LY86: variants seen among roughly 807,000 people sequenced by gnomAD.
LY86 encodes MD-1, RP105-associated.
LY86 carries 20 observed loss-of-function variants against 17.3 expected under a neutral mutation model. That is an observed-to-expected ratio of 1.15 (90% CI 0.81 to 1.68). LY86 has a LOEUF of 1.68. LY86 is among the 40% of genes most tolerant of loss of function. The probability of loss-of-function intolerance (pLI) is 0.00; values close to 1 mark genes in which losing one functional copy is unlikely to be tolerated. For missense variants in LY86, 200 were observed against 191.9 expected, an observed-to-expected ratio of 1.04 and a Z score of -0.25; for synonymous variants, 74 against 70.6, an observed-to-expected ratio of 1.05 and a Z score of -0.24.
At chr6:6,613,263 G>A (rs1278427911) in intron 1 of LY86, among the ~76,000 whole-genome samples, 4 of 152,244 alleles carry the variant, frequency 2.6e-5, no homozygotes, top group Non-Finnish European at 4.4e-5. Flanking sequence ...TGCCAATCCC[G>A]CGCCGTGCGC....
intron 2 of LY86, 91 bp downstream of exon 2, chr6:6,625,103 T>C: frequency 3.4e-6 from 2 of 590,644 alleles, no homozygotes; most frequent in South Asian, 4.1e-5. Flanking sequence ...CTGTAATGAC[T>C]GGCTAAACTA....
rs138255515 is a variant in LY86, at chr6:6,650,339, G to GTTTTTTTTTTTTTTTTT, written c.405+662_405+663insTTTTTTTTTTTTTTTTT. ...TTCAATATGCTACCCCTCAGATAAT[G>GTTTTTTTTTTTTTTTTT]GTTTTTTTTTTTTTTGAGAGAGTCT... On this transcript the variant is annotated intron_variant, in intron 4 of 4. Transcript: ENST00000230568. 2.7e-5 allele frequency among the ~76,000 whole-genome samples: 4 copies of GTTTTTTTTTTTTTTTTT among 148,036 alleles called. 1 individual carries two copies. Among genetic ancestry groups the GTTTTTTTTTTTTTTTTT allele is most frequent in the Non-Finnish European group, 4.5e-5 (3 of 67,134 alleles).
rs936039819 is a variant in LY86 at position 6,606,546 on chromosome 6, G to A, written c.136+17676G>A. Among the ~76,000 whole-genome samples, 5 of 152,268 alleles carry A rather than the reference G, an allele frequency of 3.3e-5. No homozygotes were observed. The East Asian group carries it at 9.6e-4, about 29-fold the overall frequency. ...GGGGCGGCGCTCGTCGGGGAGGCTT[G>A]GGCGGCACAGGAGCCCACGGAGCGG... On this transcript the variant is annotated intron_variant, in intron 1 of 4. Transcript: ENST00000230568.
At chr6:6,606,973 C>T (rs148864412) in intron 1 of LY86, among the ~76,000 whole-genome samples, 4 of 152,402 alleles carry the variant, frequency 2.6e-5, no homozygotes, top group Non-Finnish European at 5.9e-5. Flanking sequence ...GGGCTGCCAG[C>T]ATGCTGTCAC....
chr6:6,631,674 G>A (rs1248068091), intron 3 of LY86, among the ~76,000 whole-genome samples: 1 of 152,164 alleles, frequency 6.6e-6, no homozygotes, highest in African/African-American at 2.4e-5. Context: ...AGCCTTTTGG[G>A]CCATGTGTTG....
At chr6:6,596,149 TCATC>T (rs2113078851) in intron 1 of LY86, among the ~76,000 whole-genome samples, 1 of 152,320 alleles carries the variant, frequency 6.6e-6, no homozygotes, top group South Asian at 2.1e-4. Context: ...TGTGCCTGAA[TCATC>T]CATCAAAGTG....
At chr6:6,606,382 C>CT (rs1008364978) in intron 1 of LY86, among the ~76,000 whole-genome samples, 1 of 152,200 alleles carries the variant, frequency 6.6e-6, no homozygotes, top group African/African-American at 2.4e-5. Context: ...CAAGTCCCCC[C>CT]CAGACTCAGG....
At chr6:6,637,009 T>TG (rs1160746110) in intron 3 of LY86, among the ~76,000 whole-genome samples, 2 of 147,264 alleles carry the variant, frequency 1.4e-5, no homozygotes, top group African/African-American at 2.5e-5. Flanking sequence ...TATTGGTTTT[T>TG]TTTTTTTTTT....
chr6:6,606,664 T>A (rs1761165278), intron 1 of LY86, among the ~76,000 whole-genome samples: 1 of 152,208 alleles, frequency 6.6e-6, no homozygotes, highest in African/African-American at 2.4e-5. Flanking sequence ...CAGCAGCTAC[T>A]GGCCCAGGTG....
At chr6:6,638,741 C>T (rs1761995763) in intron 3 of LY86, among the ~76,000 whole-genome samples, 1 of 151,798 alleles carries the variant, frequency 6.6e-6, no homozygotes, top group Non-Finnish European at 1.5e-5. Context: ...GTGTGCCATG[C>T]TGGTGTGCTG....
At chr6:6,610,831 G>A (rs1581239452) in intron 1 of LY86, among the ~76,000 whole-genome samples, 1 of 152,292 alleles carries the variant, frequency 6.6e-6, no homozygotes, top group South Asian at 2.1e-4. Context: ...CAGTAAGAAG[G>A]TGAGCATGTC....
intron 1 of LY86, among the ~76,000 whole-genome samples, chr6:6,608,046 T>A (rs1761237209): frequency 6.6e-6 from 1 of 152,224 alleles, no homozygotes; most frequent in African/African-American, 2.4e-5. Context: ...AAAATATAGA[T>A]CTACAGTGAA....
At chr6:6,591,225 G>A (rs1561772625) in intron 1 of LY86, 1 of 153,806 alleles carries the variant, frequency 6.5e-6, no homozygotes, top group Non-Finnish European at 1.5e-5. Context: ...GTCAGGGAAA[G>A]AACAAGGACA....
intron 4 of LY86, among the ~76,000 whole-genome samples, chr6:6,650,321 T>C (rs1762167811): frequency 6.6e-6 from 1 of 150,942 alleles, no homozygotes; most frequent in South Asian, 2.1e-4. Flanking sequence ...ATGTTCAATA[T>C]GCTACCCCTC....
chr6:6,626,784 T>C (rs116154006), intron 3 of LY86, among the ~76,000 whole-genome samples: 2,142 of 151,820 alleles, frequency 0.014, 36 homozygotes, highest in African/African-American at 0.049. Flanking sequence ...ACAACTTCCT[T>C]AGTGGCAGGA....
At position 6,624,998 on chromosome 6, in the gene LY86, T is replaced by A; in HGVS notation, c.209T>A (p.Phe70Tyr). The A allele has an allele frequency of 6.6e-7, 1 of 1,508,670 alleles. No individual in the cohort carries two copies. Among genetic ancestry groups the A allele is most frequent in the Non-Finnish European group, 9.1e-7 (1 of 1,094,434 alleles). 93.5% of individuals were successfully genotyped at this position (1,508,670 alleles called of 1,614,324 possible). A position where few individuals can be genotyped will look rare whatever the true frequency, so the allele number is the denominator to read the frequency against. The change falls in exon 2 of 5, where the codon TTT becomes TAT. Residue 70 changes from phenylalanine to tyrosine, a missense_variant. By Grantham distance (22) the Phe-to-Tyr change is conservative. Transcript: ENST00000230568. ...TTAAAATCAAATATCAACATTAGAT[T>A]TGGAATTATTCTGAGTAAGTAAAAA... ...KQLKSNINIR[F>Y]GIILREDIKE...
intron 1 of LY86, among the ~76,000 whole-genome samples, chr6:6,613,060 A>G (rs770207566): frequency 6.6e-6 from 1 of 152,052 alleles, no homozygotes; most frequent in Non-Finnish European, 1.5e-5. Context: ...AGCTTCTCCA[A>G]GTCCCCACCA....
At chr6:6,640,772 C>G (rs10458093) in intron 3 of LY86, among the ~76,000 whole-genome samples, 22 of 152,010 alleles carry the variant, frequency 1.4e-4, no homozygotes, top group African/African-American at 5.3e-4. Flanking sequence ...ATGAGTATAT[C>G]TCTGAATCAT....
intron 1 of LY86, among the ~76,000 whole-genome samples, chr6:6,612,502 C>A (rs1228086860): frequency 2.1e-5 from 3 of 144,172 alleles, no homozygotes; most frequent in Non-Finnish European, 4.5e-5. Flanking sequence ...AACAAAAACA[C>A]TTACTGCAAA....
Sources: allele counts gnomAD v4.1 joint callset (sites outside exome capture counted in the v4.1 genomes callset), GRCh38; gene constraint gnomAD v4.1.1; transcripts MANE v1.5; gene names NCBI Gene and HGNC (gene_info 2026-07-23, HGNC 2026-07-21).